ZNF385C: variants seen among roughly 807,000 people sequenced by gnomAD.
ZNF385C encodes the protein zinc finger protein 385C, also known as CTD-2132N18.2.
Under a neutral mutation model 35.4 loss-of-function variants are expected in ZNF385C, and 28 were observed. That is an observed-to-expected ratio of 0.79 (90% confidence interval 0.59 to 1.08). The LOEUF (loss-of-function observed/expected upper bound fraction) is 1.08, where lower values mean the gene tolerates loss of function less well. ZNF385C is among the 50% of genes least tolerant of loss of function. ZNF385C has a pLI of 0.00. For missense variants in ZNF385C, 605 were observed against 595.6 expected, an observed-to-expected ratio of 1.02 and a Z score of -0.16; for synonymous variants, 248 against 248.2, an observed-to-expected ratio of 1.00 and a Z score of 0.01.
intron 1 of ZNF385C, among the ~76,000 whole-genome samples, chr17:42,086,242 A>C (rs1206348401): frequency 6.6e-6 from 1 of 151,520 alleles, no homozygotes; most frequent in Non-Finnish European, 1.5e-5. Context: ...AAACACAAAA[A>C]TTAGCTGGAT....
At chr17:42,037,614 G>T in intron 3 of ZNF385C, 123 bp downstream of exon 3, 3 of 1,231,990 alleles carry the variant, frequency 2.4e-6, no homozygotes, top group Non-Finnish European at 3.3e-6. Context: ...ATCCCCTCTG[G>T]GGGATGTTGG....
At chr17:42,042,331 G>A (rs1477119419) in intron 2 of ZNF385C, among the ~76,000 whole-genome samples, 1 of 152,144 alleles carries the variant, frequency 6.6e-6, no homozygotes, top group Non-Finnish European at 1.5e-5. Flanking sequence ...AAACTGGCCT[G>A]GCCAACATGG....
intron 1 of ZNF385C, among the ~76,000 whole-genome samples, chr17:42,096,011 A>G (rs1555660925): frequency 2.6e-5 from 4 of 152,198 alleles, no homozygotes; most frequent in Non-Finnish European, 4.4e-5. Flanking sequence ...AGGACCAGAT[A>G]CAAATTTGGA....
chr17:42,042,878 C>G, intron 2 of ZNF385C: 2 of 1,232,350 alleles, frequency 1.6e-6, no homozygotes, highest in Non-Finnish European at 2.0e-6. Flanking sequence ...TCGCCATGCT[C>G]TGTGCCCAGC....
rs959445558 is a variant in ZNF385C, at chr17:42,095,871, T to C, written c.-3+2539A>G. On this transcript the variant is annotated intron_variant, in intron 1 of 8. Transcript: ENST00000692273. The surrounding 1 kb of genome is among the most constrained non-coding windows in gnomAD (Gnocchi z 4.4). ...GCCCACCTGGAACACTCACAGGGCC[T>C]GGGGCAAGGGGACAAATGGCGGCCC... Among the ~76,000 whole-genome samples, 7 of 152,130 alleles carry C rather than the reference T, an allele frequency of 4.6e-5. No individual in the cohort carries two copies. Among genetic ancestry groups the C allele is most frequent in the African/African-American group, 1.4e-4 (6 of 41,420 alleles).
chr17:42,054,582 C>T (rs1010228866), intron 2 of ZNF385C, among the ~76,000 whole-genome samples: 6 of 135,566 alleles, frequency 4.4e-5, no homozygotes, highest in Non-Finnish European at 6.2e-5. Context: ...ACTAGAACTT[C>T]TTTTTTTTTT....
rs1281554380 is a variant in ZNF385C at position 42,051,620 on chromosome 17, GGGCT to G, written c.250+11183_250+11186del. Among the ~76,000 whole-genome samples, 7 of 152,204 alleles carry G rather than the reference GGGCT, an allele frequency of 4.6e-5. No homozygotes were observed. In the East Asian group the frequency reaches 1.4e-3, roughly 29 times the overall value. On this transcript the variant is annotated intron_variant, in intron 2 of 8. Coordinates refer to ENST00000692273, the MANE Select transcript of ZNF385C (RefSeq NM_001392013.1). ...TAGGTGTGGAGGCCATTCAGAGAGG[GGGCT>G]GGCCTGCTGCTGTGGATCAAGGGCA... is the stretch of plus-strand genomic sequence containing the variant.
chr17:42,094,891 G>A (rs1432476630), intron 1 of ZNF385C, among the ~76,000 whole-genome samples: 2 of 152,180 alleles, frequency 1.3e-5, no homozygotes, highest in Non-Finnish European at 2.9e-5. Context: ...GGAGCCAGTG[G>A]GTCACCCAAG....
chr17:42,097,747 T>G (rs1425254897), intron 1 of ZNF385C, among the ~76,000 whole-genome samples: 1 of 152,026 alleles, frequency 6.6e-6, no homozygotes, highest in East Asian at 1.9e-4. Context: ...AGGGTGCAAA[T>G]GCTCCCCTGT....
chr17:42,052,424 T>C (rs2053300079), intron 2 of ZNF385C, among the ~76,000 whole-genome samples: 1 of 151,812 alleles, frequency 6.6e-6, no homozygotes, highest in Non-Finnish European at 1.5e-5. Flanking sequence ...TCAAGGCACA[T>C]ACATACATAC....
intron 1 of ZNF385C, among the ~76,000 whole-genome samples, chr17:42,074,103 A>G (rs1555659057): frequency 6.6e-6 from 1 of 152,186 alleles, no homozygotes; most frequent in East Asian, 1.9e-4. Flanking sequence ...CCCCAGCTTC[A>G]TCACTCTTAG....
chr17:42,063,102 G>A (rs782174300), intron 1 of ZNF385C, 44 bp from the exon 2 acceptor site: 19 of 587,124 alleles, frequency 3.2e-5, no homozygotes, highest in Non-Finnish European at 4.3e-5. Context: ...AAATGGTTGC[G>A]AATTCTTAGA....
intron 1 of ZNF385C, among the ~76,000 whole-genome samples, chr17:42,089,418 G>T (rs1003444560): frequency 6.6e-6 from 1 of 152,176 alleles, no homozygotes; most frequent in Non-Finnish European, 1.5e-5. Context: ...TTAGGAGAAT[G>T]CTTGCCCCAG....
chr17:42,040,988 C>A, intron 2 of ZNF385C: 4 of 1,232,296 alleles, frequency 3.2e-6, no homozygotes, highest in Non-Finnish European at 4.0e-6. Context: ...AGCTGGCCAG[C>A]AGTGGCCTCG....
In ZNF385C at chr17:42,032,350, C is replaced by T. The variant is rs1294006990; in HGVS notation, c.511-566G>A. 6.6e-5 allele frequency among the ~76,000 whole-genome samples: 10 copies of T among 152,308 alleles called. No individual in the cohort carries two copies. In the East Asian group the frequency reaches 9.7e-4, roughly 15 times the overall value. ...CTGGGATTACAGGCGTGAGCCACCA[C>T]GCCTGGCCACTAACTACATCTTTAG... is the stretch of plus-strand genomic sequence containing the variant. On this transcript the variant is annotated intron_variant, in intron 4 of 8. Transcript: ENST00000692273.
intron 2 of ZNF385C, among the ~76,000 whole-genome samples, chr17:42,042,354 T>C (rs1318384590): frequency 5.3e-5 from 8 of 152,126 alleles, no homozygotes; most frequent in Non-Finnish European, 1.0e-4. Flanking sequence ...ATACCCCGTC[T>C]CTACTAAAAA....
intron 2 of ZNF385C, among the ~76,000 whole-genome samples, chr17:42,046,973 C>T (rs2053174878): frequency 6.6e-6 from 1 of 151,994 alleles, no homozygotes; most frequent in South Asian, 2.1e-4. Context: ...AGCGATTCTC[C>T]CGCCTCAGCC....
intron 2 of ZNF385C, chr17:42,043,265 A>G: frequency 8.1e-7 from 1 of 1,232,240 alleles, no homozygotes. Flanking sequence ...TTCCGCTCAT[A>G]GTCAAAGTCC....
intron 2 of ZNF385C, chr17:42,043,214 T>C (rs1555656313): frequency 4.1e-6 from 5 of 1,232,150 alleles, no homozygotes; most frequent in Non-Finnish European, 5.1e-6. Flanking sequence ...CCATGCTTGT[T>C]CCGTACCAGG....
Sources: allele counts gnomAD v4.1 joint callset (sites outside exome capture counted in the v4.1 genomes callset), GRCh38; gene constraint gnomAD v4.1.1; non-coding constraint Gnocchi (gnomAD v3.1); transcripts MANE v1.5; gene names NCBI Gene and HGNC (gene_info 2026-07-23, HGNC 2026-07-21).